PRKCA: variants seen among roughly 807,000 people sequenced by gnomAD.
PRKCA encodes the protein protein kinase C alpha type.
PRKCA carries 27 observed loss-of-function variants against 87.0 expected under a neutral mutation model. The observed-to-expected ratio is 0.31, with a 90% confidence interval of 0.23 to 0.43. The LOEUF (loss-of-function observed/expected upper bound fraction) is 0.43, where lower values mean the gene tolerates loss of function less well. Among genes scored for constraint, PRKCA ranks in the 20% least tolerant of loss-of-function variants. PRKCA has a pLI of 1.00. For synonymous variants in PRKCA, 329 were observed against 311.1 expected, an observed-to-expected ratio of 1.06 and a Z score of -0.61; for missense variants, 518 against 852.3, an observed-to-expected ratio of 0.61 and a Z score of 4.88.
intron 3 of PRKCA, among the ~76,000 whole-genome samples, chr17:66,606,758 T>C (rs929361162): frequency 6.6e-6 from 1 of 152,116 alleles, no homozygotes; most frequent in Non-Finnish European, 1.5e-5. Context: ...ATATCAAGAG[T>C]TGTAAAACAT....
At chr17:66,692,118 T>C (rs942127493) in intron 8 of PRKCA, among the ~76,000 whole-genome samples, 3 of 152,196 alleles carry the variant, frequency 2.0e-5, no homozygotes, top group Non-Finnish European at 4.4e-5. Context: ...CCCAAGGCTG[T>C]GAGCATCCTG....
At chr17:66,561,129 A>C (rs1244792914) in intron 3 of PRKCA, among the ~76,000 whole-genome samples, 1 of 152,190 alleles carries the variant, frequency 6.6e-6, no homozygotes, top group Admixed American at 6.5e-5. Context: ...AATGATTCTG[A>C]AGCCTGTTAA....
At chr17:66,647,116 G>GA (rs1416696812) in intron 5 of PRKCA, among the ~76,000 whole-genome samples, 2 of 13,698 alleles carry the variant, frequency 1.5e-4, no homozygotes, top group African/African-American at 1.9e-3. Context: ...GTGTTCCTCG[G>GA]GGGCCATGAG....
intron 10 of PRKCA, among the ~76,000 whole-genome samples, chr17:66,737,024 A>G (rs1336733984): frequency 6.6e-6 from 1 of 152,126 alleles, no homozygotes; most frequent in Non-Finnish European, 1.5e-5. Context: ...CCAAAGCACT[A>G]ATCAGTCCGT....
At chr17:66,628,578 T>C (rs1469073468) in intron 3 of PRKCA, among the ~76,000 whole-genome samples, 1 of 152,240 alleles carries the variant, frequency 6.6e-6, no homozygotes, top group Non-Finnish European at 1.5e-5. Context: ...CTACCTTTTC[T>C]AATTTTTTAC....
intron 3 of PRKCA, among the ~76,000 whole-genome samples, chr17:66,622,626 G>A (rs909909973): frequency 6.6e-6 from 1 of 152,210 alleles, no homozygotes; most frequent in Admixed American, 6.5e-5. Context: ...GAACTGACTT[G>A]TATTAGTCCA....
At chr17:66,798,959 G>A (rs796648299) in intron 16 of PRKCA, among the ~76,000 whole-genome samples, 26 of 134,628 alleles carry the variant, frequency 1.9e-4, no homozygotes, top group Non-Finnish European at 2.9e-4. Context: ...GGTGGTGGTG[G>A]TGGTGGTGAT....
intron 5 of PRKCA, among the ~76,000 whole-genome samples, chr17:66,652,939 A>G (rs540547535): frequency 6.6e-5 from 10 of 152,164 alleles, no homozygotes; most frequent in Admixed American, 2.0e-4. Flanking sequence ...CCTCAACCCA[A>G]CGCTGTGTTT....
intron 2 of PRKCA, among the ~76,000 whole-genome samples, chr17:66,375,943 G>A (rs1909393321): frequency 6.6e-6 from 1 of 152,112 alleles, no homozygotes; most frequent in Non-Finnish European, 1.5e-5. Flanking sequence ...AGATAACTGA[G>A]GTCATGGATA....
chr17:66,333,183 T>A (rs1156917448), intron 2 of PRKCA, among the ~76,000 whole-genome samples: 2 of 152,222 alleles, frequency 1.3e-5, no homozygotes, highest in African/African-American at 4.8e-5. Flanking sequence ...AGGCATGCAG[T>A]CTACTACATC....
At chr17:66,749,409 C>T (rs1042127559) in intron 13 of PRKCA, among the ~76,000 whole-genome samples, 1 of 152,086 alleles carries the variant, frequency 6.6e-6, no homozygotes, top group Non-Finnish European at 1.5e-5. Context: ...CCAGCATGTC[C>T]CACCCCAGGC....
chr17:66,699,284 C>T (rs1201030094), intron 8 of PRKCA, among the ~76,000 whole-genome samples: 1 of 146,462 alleles, frequency 6.8e-6, no homozygotes, highest in Non-Finnish European at 1.5e-5. Flanking sequence ...AATTGGTAAA[C>T]CTTTAGCTAG....
chr17:66,747,285 G>A (rs1040124363), intron 13 of PRKCA, among the ~76,000 whole-genome samples: 1 of 152,144 alleles, frequency 6.6e-6, no homozygotes, highest in South Asian at 2.1e-4. Context: ...TGCCCAGACT[G>A]GACTCAATTT....
chr17:66,533,301 T>C (rs1014473150), intron 3 of PRKCA, among the ~76,000 whole-genome samples: 7 of 152,220 alleles, frequency 4.6e-5, no homozygotes, highest in Admixed American at 2.6e-4. Context: ...AAATGTTTCC[T>C]CTGCTCCTGG....
At chr17:66,667,436 C>T (rs1416866792) in intron 5 of PRKCA, among the ~76,000 whole-genome samples, 1 of 152,268 alleles carries the variant, frequency 6.6e-6, no homozygotes, top group African/African-American at 2.4e-5. Context: ...CTTCACATGG[C>T]GGCAGCAAGG....
In PRKCA at chr17:66,697,357, A is replaced by G. The variant is rs532973430; in HGVS notation, c.918+8310A>G. ...TCAATGTTGACAACTACCTATGGAC[A>G]AGAGTGTCTTTGTAGGAGTCTAGGA... On this transcript the variant is annotated intron_variant, in intron 8 of 16. Coordinates refer to ENST00000413366, the MANE Select transcript of PRKCA (RefSeq NM_002737.3). Among the ~76,000 whole-genome samples, 281 of 152,336 alleles carry G rather than the reference A, an allele frequency of 1.8e-3. 1 individual carries two copies. The highest frequency in any genetic ancestry group is 6.3e-3 in the African/African-American group (264 of 41,576).
rs183695740 is a variant in PRKCA at position 66,623,494 on chromosome 17, C to T, written c.289-17861C>T. On this transcript the variant is annotated intron_variant, in intron 3 of 16. Transcript: ENST00000413366. ...TATTGAGCTCCCAGGAGATATGCAA[C>T]GTGGTCTCTGATCTCCAAGAGTGTG... Among the ~76,000 whole-genome samples the T allele has an allele frequency of 4.1e-4, 62 of 152,260 alleles. 1 individual carries two copies. The highest frequency in any genetic ancestry group is 2.9e-3 in the South Asian group (14 of 4,818).
intron 2 of PRKCA, among the ~76,000 whole-genome samples, chr17:66,432,494 C>T (rs973752): frequency 0.84 from 128,509 of 152,084 alleles, 55,120 homozygotes; most frequent in South Asian, 0.96. Flanking sequence ...GGTGATTAAT[C>T]TTCCTCCCTG....
intron 13 of PRKCA, among the ~76,000 whole-genome samples, chr17:66,767,910 C>A (rs1395451395): frequency 1.3e-5 from 2 of 152,156 alleles, no homozygotes; most frequent in Non-Finnish European, 1.5e-5. Context: ...CTAATTTATT[C>A]TCTGATATGG....
Sources: gnomAD v4.1 joint callset for allele counts (sites outside exome capture counted in the v4.1 genomes callset) on GRCh38, gnomAD v4.1.1 for gene constraint, MANE v1.5 for transcripts, NCBI Gene and HGNC (gene_info 2026-07-23, HGNC 2026-07-21) for gene names.